ZZZ3: variants seen among roughly 807,000 people sequenced by gnomAD.
ZZZ3 encodes the protein ZZ-type zinc finger-containing protein 3.
ZZZ3 carries 22 observed loss-of-function variants against 95.2 expected under a neutral mutation model. That is an observed-to-expected ratio of 0.23 (90% confidence interval 0.17 to 0.33). ZZZ3 has a LOEUF of 0.33. ZZZ3 is among the 10% of genes least tolerant of loss of function. ZZZ3 has a pLI of 1.00. For synonymous variants in ZZZ3, 335 were observed against 358.9 expected, an observed-to-expected ratio of 0.93 and a Z score of 0.75; for missense variants, 885 against 1,066.5, an observed-to-expected ratio of 0.83 and a Z score of 2.37.
At chr1:77,587,843 C>T (rs189037838) in intron 5 of ZZZ3, among the ~76,000 whole-genome samples, 1 of 152,366 alleles carries the variant, frequency 6.6e-6, no homozygotes. Context: ...TCCTCTACCT[C>T]AGCCTACTCA....
chr1:77,588,198 A>G (rs1403638026), intron 5 of ZZZ3, among the ~76,000 whole-genome samples: 1 of 152,186 alleles, frequency 6.6e-6, no homozygotes. Flanking sequence ...AATGCGTACT[A>G]CATGCCAGAC....
intron 1 of ZZZ3, among the ~76,000 whole-genome samples, chr1:77,660,921 C>A (rs1670720658): frequency 6.6e-6 from 1 of 152,120 alleles, no homozygotes; most frequent in Non-Finnish European, 1.5e-5. Flanking sequence ...TATGAACACA[C>A]AATAAACACA....
At chr1:77,584,289 T>A (rs1328714827) in intron 6 of ZZZ3, among the ~76,000 whole-genome samples, 1 of 152,196 alleles carries the variant, frequency 6.6e-6, no homozygotes, top group Non-Finnish European at 1.5e-5. Context: ...CAAGTTCCCA[T>A]ACAAATATCC....
intron 4 of ZZZ3, among the ~76,000 whole-genome samples, chr1:77,634,243 A>G (rs1476987390): frequency 6.6e-6 from 1 of 152,112 alleles, no homozygotes; most frequent in Non-Finnish European, 1.5e-5. Flanking sequence ...TCTTTCAAAA[A>G]ACTATTCCAA....
chr1:77,639,619 TG>T lies in ZZZ3; in HGVS notation c.-205-18del. 1 of 465,694 alleles carries T rather than the reference TG, an allele frequency of 2.1e-6. No homozygotes were observed. The highest frequency in any genetic ancestry group is 3.6e-6 in the Non-Finnish European group (1 of 277,018). The allele number at this position is 465,694 out of a possible 1,614,324, so 28.8% of individuals were successfully genotyped here. A position where few individuals can be genotyped will look rare whatever the true frequency, so the allele number is the denominator to read the frequency against. ...TAAATTTTTCTTTAAAATAAAATAATGAAAAAAAAGGATTAAAGAAGATGAT... is the reference window on the plus strand; with the variant it reads ...TAAATTTTTCTTTAAAATAAAATAATAAAAAAAAGGATTAAAGAAGATGAT... On this transcript the variant is annotated intron_variant, in intron 3 of 14. Transcript: ENST00000370801.
intron 1 of ZZZ3, among the ~76,000 whole-genome samples, chr1:77,665,887 A>G (rs1389115415): frequency 6.6e-6 from 1 of 151,946 alleles, no homozygotes; most frequent in African/African-American, 2.4e-5. Flanking sequence ...ACTAAGATAA[A>G]AAAATCAGCC....
chr1:77,577,787 A>C (rs1240607279), intron 11 of ZZZ3, among the ~76,000 whole-genome samples: 2 of 152,152 alleles, frequency 1.3e-5, no homozygotes, highest in Non-Finnish European at 2.9e-5. Flanking sequence ...CACCCGGCTA[A>C]TTTTTGTATT....
chr1:77,580,780 C>A (rs771864913), intron 9 of ZZZ3: 8 of 432,534 alleles, frequency 1.8e-5, no homozygotes, highest in East Asian at 4.1e-5. Flanking sequence ...TATATGCACA[C>A]GCCATCACAC....
At chr1:77,634,666 T>C (rs1293652564) in intron 4 of ZZZ3, among the ~76,000 whole-genome samples, 1 of 152,170 alleles carries the variant, frequency 6.6e-6, no homozygotes, top group Admixed American at 6.6e-5. Context: ...TAATGTGTGG[T>C]TTGGGAGATG....
chr1:77,578,783 GTA>G lies in ZZZ3; in HGVS notation c.2167_2168del (p.Tyr723LeufsTer14), dbSNP rs1178278122. ...ATGTATTTTCTTTTACCTTTTTGGA[GTA>G]TATATATAAGTTTGGTGTTCTGCCT... is the stretch of plus-strand genomic sequence containing the variant. Reference protein sequence around the residue: ...VPGRTPNLYIYSKKSSTSRRQ... With the variant: ...VPGRTPNLYIXSKKSSTSRRQ... On this transcript the variant is annotated frameshift_variant, in exon 11 of 15. Transcript: ENST00000370801. LOFTEE classifies it high-confidence loss of function. The G allele has an allele frequency of 3.9e-6, 6 of 1,524,868 alleles. No homozygotes were observed. Among genetic ancestry groups the G allele is most frequent in the Non-Finnish European group, 3.5e-6 (4 of 1,140,158 alleles). The allele number at this position is 1,524,868 out of a possible 1,614,324, so 94.5% of individuals were successfully genotyped here.
rs750168417 is a variant in ZZZ3 at position 77,633,225 on chromosome 1, G to A, written c.130C>T (p.Gln44Ter). 6.2e-7 allele frequency: 1 copy of A among 1,614,058 alleles called. No individual in the cohort carries two copies. Among genetic ancestry groups the A allele is most frequent in the South Asian group, 1.1e-5 (1 of 91,074 alleles). The change falls in exon 5 of 15, where the codon CAA becomes TAA. Residue 44 changes from glutamine (Q) to a stop codon, truncating the protein, a stop_gained. Coordinates refer to ENST00000370801, the MANE Select transcript of ZZZ3 (RefSeq NM_015534.6). LOFTEE classifies it high-confidence loss of function. ...TTCTTTGGTGATCTTGATCGTACTT[G>A]AGAATTAGAAGAGATTTCTTCAGGA... Reference protein sequence around the residue: ...AHPEEISSNSQVRSRSPKKRP... With the variant: ...AHPEEISSNS
chr1:77,675,616 T>C (rs1194214890), intron 1 of ZZZ3, among the ~76,000 whole-genome samples: 3 of 152,018 alleles, frequency 2.0e-5, no homozygotes, highest in Admixed American at 6.6e-5. Context: ...TTTTTTCAAA[T>C]ATTTATTATT....
intron 5 of ZZZ3, among the ~76,000 whole-genome samples, chr1:77,585,693 A>AT (rs758522701): frequency 6.6e-6 from 1 of 152,356 alleles, no homozygotes; most frequent in Non-Finnish European, 1.5e-5. Flanking sequence ...AGTATGCAAC[A>AT]TACTTCCCAG....
intron 5 of ZZZ3, among the ~76,000 whole-genome samples, chr1:77,611,857 G>T (rs936830530): frequency 6.6e-6 from 1 of 151,816 alleles, no homozygotes; most frequent in Non-Finnish European, 1.5e-5. Flanking sequence ...CTAAATATAA[G>T]ACCCAAAACC....
chr1:77,630,558 C>CA lies in ZZZ3; in HGVS notation c.1505+1291dup, dbSNP rs200895930. On this transcript the variant is annotated intron_variant, in intron 5 of 14. Coordinates refer to ENST00000370801, the MANE Select transcript of ZZZ3 (RefSeq NM_015534.6). Reference sequence around the variant, plus strand: ...AGCAGAACTCAACTTATTTCTAATACAAAAAAAACTTCATTTATGAGTTGT... The same window carrying CA: ...AGCAGAACTCAACTTATTTCTAATACAAAAAAAAACTTCATTTATGAGTTGT... Among the ~76,000 whole-genome samples the CA allele has an allele frequency of 1.4e-3, 219 of 151,962 alleles. 2 individuals carry two copies. The East Asian group carries it at 0.033, about 23-fold the overall frequency.
intron 1 of ZZZ3, among the ~76,000 whole-genome samples, chr1:77,666,137 G>A (rs1297149178): frequency 4.6e-5 from 7 of 152,240 alleles, no homozygotes; most frequent in East Asian, 3.8e-4. Context: ...ACGTATATAC[G>A]GAATGTAATT....
At chr1:77,612,631 C>T (rs560319229) in intron 5 of ZZZ3, among the ~76,000 whole-genome samples, 1 of 152,052 alleles carries the variant, frequency 6.6e-6, no homozygotes, top group South Asian at 2.1e-4. Context: ...CTGCCATTTG[C>T]CACAACACCA....
At chr1:77,619,763 TC>T (rs1666666921) in intron 5 of ZZZ3, among the ~76,000 whole-genome samples, 1 of 152,142 alleles carries the variant, frequency 6.6e-6, no homozygotes, top group African/African-American at 2.4e-5. Flanking sequence ...CTTATATGTC[TC>T]CACATAGCTG....
chr1:77,648,122 G>A (rs1443701509), intron 1 of ZZZ3, among the ~76,000 whole-genome samples: 2 of 152,058 alleles, frequency 1.3e-5, no homozygotes, highest in African/African-American at 2.4e-5. Flanking sequence ...ACTTTGGGAG[G>A]CCAAGGTGGG....
Sources: allele counts gnomAD v4.1 joint callset (sites outside exome capture counted in the v4.1 genomes callset), GRCh38; gene constraint gnomAD v4.1.1; transcripts MANE v1.5; gene names NCBI Gene and HGNC (gene_info 2026-07-23, HGNC 2026-07-21).